WWC1: variants seen among roughly 807,000 people sequenced by gnomAD.
WWC1 encodes the protein protein KIBRA.
WWC1 carries 55 observed loss-of-function variants against 138.4 expected under a neutral mutation model. The observed-to-expected ratio is 0.40, with a 90% confidence interval of 0.32 to 0.50. WWC1 has a LOEUF of 0.50. Among genes scored for constraint, WWC1 ranks in the 20% least tolerant of loss-of-function variants. WWC1 has a pLI of 0.72. For missense variants in WWC1, 1,226 were observed against 1,420.4 expected, an observed-to-expected ratio of 0.86 and a Z score of 2.20; for synonymous variants, 524 against 564.9, an observed-to-expected ratio of 0.93 and a Z score of 1.03.
chr5:168,325,965 A>C (rs888386551), intron 1 of WWC1, among the ~76,000 whole-genome samples: 1 of 152,176 alleles, frequency 6.6e-6, no homozygotes, highest in Non-Finnish European at 1.5e-5. Flanking sequence ...AGACTCATCC[A>C]TGTTGTAGAC....
chr5:168,347,666 G>A (rs1291481190), intron 1 of WWC1, among the ~76,000 whole-genome samples: 1 of 152,130 alleles, frequency 6.6e-6, no homozygotes, highest in African/African-American at 2.4e-5. Context: ...CCCTGAAGAA[G>A]GTGAAGAGCA....
In WWC1 at chr5:168,441,691, C is replaced by G; in HGVS notation, c.2290C>G (p.Gln764Glu). Residue 764 changes from glutamine (Q) to glutamate (E), a missense_variant, in exon 16 of 23, where the codon CAG becomes GAG. By Grantham distance (29) the Gln-to-Glu change is conservative. Coordinates refer to ENST00000265293, the MANE Select transcript of WWC1 (RefSeq NM_015238.3). ...SHLEECLGGAQISLAEVCRSG... is the reference protein window; with the variant it reads ...SHLEECLGGAEISLAEVCRSG... Reference sequence around the variant, plus strand: ...TTTCCATCCCCAACAGGGAGGCGCCCAGATCAGCCTGGCGGAGGTCTGCCG... The same window carrying G: ...TTTCCATCCCCAACAGGGAGGCGCCGAGATCAGCCTGGCGGAGGTCTGCCG... The G allele has an allele frequency of 6.2e-7, 1 of 1,613,968 alleles. No individual in the cohort carries two copies. The highest frequency in any genetic ancestry group is 1.3e-5 in the African/African-American group (1 of 75,040).
rs757783335 is a variant in WWC1 at position 168,423,606 on chromosome 5, G to A, written c.1348G>A (p.Val450Ile). ...CCTCACGTCCAGCCGGGGCTCCCTG[G>A]TTGCATCCAGCCTGGACTCCTCCAC... ...GSLTSSRGSL[V>I]ASSLDSSTSA... Residue 450 changes from valine to isoleucine, a missense_variant, in exon 11 of 23, where the codon GTT becomes ATT. Transcript: ENST00000265293. 3 of 1,614,090 alleles carry A rather than the reference G, an allele frequency of 1.9e-6. No individual in the cohort carries two copies. In the South Asian group the frequency reaches 3.3e-5, roughly 18 times the overall value.
intron 9 of WWC1, among the ~76,000 whole-genome samples, chr5:168,416,944 T>G (rs545111195): frequency 6.6e-6 from 1 of 152,188 alleles, no homozygotes; most frequent in Non-Finnish European, 1.5e-5. Context: ...CTCGGCTTAC[T>G]GCAACTTCCA....
chr5:168,452,339 T>C (rs1755906448), intron 17 of WWC1, among the ~76,000 whole-genome samples: 1 of 152,114 alleles, frequency 6.6e-6, no homozygotes, highest in African/African-American at 2.4e-5. Flanking sequence ...AATGTGACTG[T>C]ATTTGGAGGT....
chr5:168,419,773 G>T (rs1394830682), intron 9 of WWC1, among the ~76,000 whole-genome samples: 1 of 152,144 alleles, frequency 6.6e-6, no homozygotes, highest in East Asian at 1.9e-4. Context: ...CCACTCCAGG[G>T]GTTGGAGAGC....
intron 5 of WWC1, among the ~76,000 whole-genome samples, chr5:168,401,766 C>T (rs1395325937): frequency 1.3e-5 from 2 of 152,182 alleles, no homozygotes; most frequent in Non-Finnish European, 2.9e-5. Context: ...TCTTGTCTCT[C>T]AAACCGGATT....
chr5:168,456,920 C>G (rs1756380041), intron 19 of WWC1, among the ~76,000 whole-genome samples: 1 of 152,104 alleles, frequency 6.6e-6, no homozygotes, highest in Non-Finnish European at 1.5e-5. Context: ...AGACTCAAGC[C>G]TCACGCATTT....
At chr5:168,439,517 C>T (rs1561768148) in intron 15 of WWC1, among the ~76,000 whole-genome samples, 1 of 151,442 alleles carries the variant, frequency 6.6e-6, no homozygotes. Context: ...ATCCCAGCTA[C>T]TCCAGAGGCT....
chr5:168,455,436 G>A lies in WWC1; in HGVS notation c.2739G>A (p.Pro913=), dbSNP rs747328142. ...CTAAGGACCGGAGAGTGGGCACCCC[G>A]TCCCAGGGGCCATTTCTTCGAGGGA... The part of the protein sequence containing the change: ...VRPKDRRVGT[P]SQGPFLRGST... The change falls in exon 19 of 23, where the codon CCG becomes CCA. Residue 913 remains proline (P), a synonymous_variant. Coordinates refer to ENST00000265293, the MANE Select transcript of WWC1 (RefSeq NM_015238.3). 1.9e-5 allele frequency: 30 copies of A among 1,612,124 alleles called. 1 individual carries two copies. The highest frequency in any genetic ancestry group is 1.6e-4 in the Middle Eastern group (1 of 6,078).
At chr5:168,338,422 T>C (rs886989549) in intron 1 of WWC1, among the ~76,000 whole-genome samples, 1 of 138,644 alleles carries the variant, frequency 7.2e-6, no homozygotes, top group African/African-American at 2.9e-5. Flanking sequence ...TTCTTTTTTT[T>C]TGGGGGGGGA....
chr5:168,458,386 G>A (rs554566451), intron 19 of WWC1, among the ~76,000 whole-genome samples: 9 of 152,122 alleles, frequency 5.9e-5, no homozygotes, highest in African/African-American at 1.2e-4. Context: ...TGGCCTCCTC[G>A]GGTCTGATCG....
chr5:168,323,757 A>G (rs1484192075), intron 1 of WWC1, among the ~76,000 whole-genome samples: 3 of 152,184 alleles, frequency 2.0e-5, no homozygotes, highest in East Asian at 1.9e-4. Flanking sequence ...GATGAAAATG[A>G]TATCACCCAC....
At chr5:168,303,668 G>A (rs901570686) in intron 1 of WWC1, among the ~76,000 whole-genome samples, 1 of 152,098 alleles carries the variant, frequency 6.6e-6, no homozygotes, top group Non-Finnish European at 1.5e-5. Context: ...AAGACCGAAG[G>A]GACTTCTCTT....
chr5:168,328,697 C>T (rs932960272), intron 1 of WWC1, among the ~76,000 whole-genome samples: 4 of 152,074 alleles, frequency 2.6e-5, no homozygotes, highest in Non-Finnish European at 4.4e-5. Flanking sequence ...CAAGCATGCC[C>T]GGCTAATTTT....
chr5:168,310,033 C>G (rs1770924127), intron 1 of WWC1, among the ~76,000 whole-genome samples: 1 of 152,230 alleles, frequency 6.6e-6, no homozygotes, highest in Admixed American at 6.5e-5. Flanking sequence ...AGCCCTCCCC[C>G]TTCCCTGTCC....
intron 1 of WWC1, among the ~76,000 whole-genome samples, chr5:168,369,647 G>T (rs1405599199): frequency 6.6e-6 from 1 of 152,174 alleles, no homozygotes; most frequent in Non-Finnish European, 1.5e-5. Flanking sequence ...CAGTGCAGCA[G>T]TAAATTACTA....
rs993909025 is a variant in WWC1 at position 168,319,337 on chromosome 5, T to C, written c.119+27066T>C. Among the ~76,000 whole-genome samples, 37 of 152,222 alleles carry C rather than the reference T, an allele frequency of 2.4e-4. 1 individual carries two copies. Among genetic ancestry groups the C allele is most frequent in the African/African-American group, 8.7e-4 (36 of 41,556 alleles). On this transcript the variant is annotated intron_variant, in intron 1 of 22. Transcript: ENST00000265293. ...CGGGAGGCCGAGGCAGGAGAATCAC[T>C]TGAACCCAGGAGGCAGAGGTTGCAG...
At chr5:168,428,673 G>A (rs770399883) in intron 12 of WWC1, 34 bp from the exon 13 acceptor site, 14 of 1,609,250 alleles carry the variant, frequency 8.7e-6, no homozygotes, top group Non-Finnish European at 1.2e-5. Context: ...TCACTGTAGG[G>A]AAGCCTAACT....
Sources: gnomAD v4.1 joint callset for allele counts (sites outside exome capture counted in the v4.1 genomes callset) on GRCh38, gnomAD v4.1.1 for gene constraint, MANE v1.5 for transcripts, NCBI Gene and HGNC (gene_info 2026-07-23, HGNC 2026-07-21) for gene names.